The following CRPPA variants were observed in gnomAD, a reference collection of about 807,000 sequenced individuals.
CRPPA encodes CDP-L-ribitol pyrophosphorylase A, also known as D-ribitol-5-phosphate cytidylyltransferase.
A neutral mutation model predicts 52.0 loss-of-function variants in CRPPA; 43 were observed. The observed-to-expected ratio is 0.83, with a 90% CI of 0.65 to 1.07. The LOEUF is 1.07. Among genes scored for constraint, CRPPA ranks in the 50% least tolerant of loss-of-function variants. The probability of loss-of-function intolerance (pLI) is 0.00; values close to 1 mark genes in which losing one functional copy is unlikely to be tolerated. For synonymous variants in CRPPA, 250 were observed against 203.5 expected (o/e 1.23, Z -1.94); for missense variants, 629 against 551.7 (o/e 1.14, Z -1.40).
intron 9 of CRPPA, among the ~76,000 whole-genome samples, chr7:16,188,018 G>C (rs1781539245): frequency 6.6e-6 from 1 of 151,246 alleles, no homozygotes; most frequent in African/African-American, 2.4e-5. Flanking sequence ...CCAATGCCAG[G>C]ACAGTTTGTA....
At chr7:16,302,621 C>T (rs1282134019) in intron 4 of CRPPA, among the ~76,000 whole-genome samples, 1 of 152,066 alleles carries the variant, frequency 6.6e-6, no homozygotes, top group African/African-American at 2.4e-5. Context: ...ATTACCTCAC[C>T]ATGCCTAAAC....
At chr7:16,414,279 T>C (rs1170512846) in intron 1 of CRPPA, among the ~76,000 whole-genome samples, 2 of 151,404 alleles carry the variant, frequency 1.3e-5, no homozygotes, top group Non-Finnish European at 2.9e-5. Context: ...TTGCCTTTCT[T>C]AATCCCTTTT....
At chr7:16,159,677 A>C (rs1783261921) in intron 9 of CRPPA, among the ~76,000 whole-genome samples, 1 of 152,224 alleles carries the variant, frequency 6.6e-6, no homozygotes, top group Non-Finnish European at 1.5e-5. Context: ...ATAAGTATGC[A>C]TGTGTCTTCA....
At chr7:16,313,609 G>A (rs892205075) in intron 3 of CRPPA, among the ~76,000 whole-genome samples, 22 of 151,778 alleles carry the variant, frequency 1.4e-4, no homozygotes, top group Non-Finnish European at 1.9e-4. Context: ...TTCCTAAAAT[G>A]GAAGCCTACA....
At chr7:16,092,544 A>C (rs557441404) in intron 9 of CRPPA, among the ~76,000 whole-genome samples, 13 of 152,286 alleles carry the variant, frequency 8.5e-5, no homozygotes, top group African/African-American at 2.6e-4. Flanking sequence ...GCATCCATAT[A>C]CATTGAGATA....
chr7:16,275,666 A>C (rs1341978991), intron 6 of CRPPA, among the ~76,000 whole-genome samples: 1 of 152,104 alleles, frequency 6.6e-6, no homozygotes, highest in Non-Finnish European at 1.5e-5. Flanking sequence ...CTGTCTCTAC[A>C]AAAAGGAAAA....
chr7:16,315,238 T>C (rs971592346), intron 3 of CRPPA, among the ~76,000 whole-genome samples: 4 of 152,164 alleles, frequency 2.6e-5, no homozygotes, highest in African/African-American at 9.6e-5. Flanking sequence ...TTTCCATCTC[T>C]CTGCTTACAC....
chr7:16,367,675 T>A (rs563252964), intron 3 of CRPPA, among the ~76,000 whole-genome samples: 5 of 152,232 alleles, frequency 3.3e-5, no homozygotes, highest in Non-Finnish European at 5.9e-5. Context: ...TATTCTAGCA[T>A]GTGGGGTACA....
At chr7:16,185,413 G>T (rs1443872006) in intron 9 of CRPPA, among the ~76,000 whole-genome samples, 1 of 152,074 alleles carries the variant, frequency 6.6e-6, no homozygotes, top group African/African-American at 2.4e-5. Context: ...TTGGGTGGGG[G>T]ACACAGCCAA....
intron 3 of CRPPA, among the ~76,000 whole-genome samples, chr7:16,322,841 A>C (rs1785291628): frequency 6.6e-6 from 1 of 152,178 alleles, no homozygotes; most frequent in African/African-American, 2.4e-5. Context: ...TATAAGGAAA[A>C]GACGTTTAAT....
At position 16,286,101 on chromosome 7, in the gene CRPPA, T is replaced by TATATATATATATATATAG. The variant is rs1208409443; in HGVS notation, c.836-7876_836-7875insCTATATATATATATATAT. On this transcript the variant is annotated intron_variant, in intron 5 of 9. Coordinates refer to ENST00000407010, the MANE Select transcript of CRPPA (RefSeq NM_001101426.4). The stretch of plus-strand genomic sequence containing the variant: ...TATATAATATTTAAAAAAAAAAATA[T>TATATATATATATATATAG]ATATATATATATATATGCCAAAAAG... Among the ~76,000 whole-genome samples the TATATATATATATATATAG allele has an allele frequency of 7.6e-4, 52 of 68,822 alleles. 2 individuals are homozygous for TATATATATATATATATAG. Among genetic ancestry groups the TATATATATATATATATAG allele is most frequent in the African/African-American group, 3.3e-3 (52 of 15,948 alleles). The allele number at this position is 68,822 out of a possible 152,430, so 45.1% of individuals were successfully genotyped here. A position where few individuals can be genotyped will look rare whatever the true frequency, so the allele number is the denominator to read the frequency against.
chr7:16,131,941 C>T (rs1002921786), intron 9 of CRPPA, among the ~76,000 whole-genome samples: 4 of 152,208 alleles, frequency 2.6e-5, no homozygotes, highest in East Asian at 3.9e-4. Flanking sequence ...TGGAGAGTCA[C>T]GGTATAGGAC....
chr7:16,177,073 T>G (rs942687764), intron 9 of CRPPA, among the ~76,000 whole-genome samples: 2 of 152,142 alleles, frequency 1.3e-5, no homozygotes, highest in African/African-American at 2.4e-5. Context: ...ATGGTTTCAA[T>G]GCATTTATAT....
intron 2 of CRPPA, among the ~76,000 whole-genome samples, chr7:16,405,104 G>GAA (rs533084010): frequency 7.1e-6 from 1 of 140,928 alleles, no homozygotes. Flanking sequence ...TTTTAAAGGG[G>GAA]AAAAAAAAAA....
At position 16,201,597 on chromosome 7, in the gene CRPPA, T is replaced by C. The variant is rs78918225; in HGVS notation, c.1251+14469A>G. Among the ~76,000 whole-genome samples the C allele has an allele frequency of 1.2e-4, 18 of 152,292 alleles. No homozygotes were observed. The East Asian group carries it at 3.5e-3, about 29-fold the overall frequency. On this transcript the variant is annotated intron_variant, in intron 9 of 9. Transcript: ENST00000407010. ...CTACTCTCCCTTACTTTGTCTCCAG[T>C]GTCCCTGTATCTTATTCTTCTTGGG...
intron 9 of CRPPA, among the ~76,000 whole-genome samples, chr7:16,190,260 C>G (rs971969545): frequency 6.6e-6 from 1 of 152,150 alleles, no homozygotes; most frequent in East Asian, 1.9e-4. Flanking sequence ...CCAGGCAGAG[C>G]TAAACTAGAA....
At chr7:16,206,904 T>C (rs1365668300) in intron 9 of CRPPA, among the ~76,000 whole-genome samples, 2 of 152,144 alleles carry the variant, frequency 1.3e-5, no homozygotes, top group Non-Finnish European at 2.9e-5. Context: ...AAGAGGAAGT[T>C]TGAATCTTAA....
intron 5 of CRPPA, among the ~76,000 whole-genome samples, chr7:16,287,724 C>A (rs1424360054): frequency 1.3e-5 from 2 of 152,034 alleles, no homozygotes; most frequent in South Asian, 4.1e-4. Context: ...AAGTTCAAGA[C>A]CAGCCTGGCC....
chr7:16,315,268 T>G (rs1785120833), intron 3 of CRPPA, among the ~76,000 whole-genome samples: 1 of 152,170 alleles, frequency 6.6e-6, no homozygotes, highest in African/African-American at 2.4e-5. Flanking sequence ...CTGTTCTTGT[T>G]GCTATCTACT....
Sources: allele counts gnomAD v4.1 joint callset (sites outside exome capture counted in the v4.1 genomes callset), GRCh38; gene constraint gnomAD v4.1.1; transcripts MANE v1.5; gene names NCBI Gene and HGNC (gene_info 2026-07-23, HGNC 2026-07-21).